Variants in NMS observed in about 807,000 individuals in gnomAD.
The protein encoded by NMS is neuromedin S, also known as neuromedin-S.
Under a neutral mutation model 32.2 loss-of-function variants are expected in NMS, and 30 were observed. That is an observed-to-expected ratio of 0.93 (90% CI 0.70 to 1.26). The LOEUF is 1.26. NMS is among the 50% of genes most tolerant of loss of function. NMS has a pLI of 0.00. For synonymous variants in NMS, 76 were observed against 58.5 expected, an observed-to-expected ratio of 1.30 and a Z score of -1.37; for missense variants, 190 against 186.3, an observed-to-expected ratio of 1.02 and a Z score of -0.12.
At chr2:100,477,827 T>C (rs1325141068) in intron 5 of NMS, among the ~76,000 whole-genome samples, 1 of 152,196 alleles carries the variant, frequency 6.6e-6, no homozygotes, top group South Asian at 2.1e-4. Flanking sequence ...TCCGTGGCTG[T>C]CGCGATGTGT....
intron 3 of NMS, among the ~76,000 whole-genome samples, chr2:100,473,969 G>A (rs1677052939): frequency 6.6e-6 from 1 of 152,136 alleles, no homozygotes; most frequent in South Asian, 2.1e-4. Flanking sequence ...CTTGAGGCCA[G>A]GAGCTTGAGT....
chr2:100,480,916 C>A (rs1486923521), intron 7 of NMS, among the ~76,000 whole-genome samples: 2 of 152,128 alleles, frequency 1.3e-5, no homozygotes, highest in Non-Finnish European at 2.9e-5. Context: ...ATCAGAGTCA[C>A]CTGGCTAAAA....
intron 5 of NMS, among the ~76,000 whole-genome samples, chr2:100,478,047 C>T (rs1024454218): frequency 2.5e-4 from 38 of 152,186 alleles, no homozygotes; most frequent in Admixed American, 1.4e-3. Flanking sequence ...CTGCAACCTC[C>T]GCCTCCGGGG....
chr2:100,470,914 G>C (rs543154833), intron 1 of NMS, among the ~76,000 whole-genome samples: 6 of 152,324 alleles, frequency 3.9e-5, no homozygotes, highest in Non-Finnish European at 8.8e-5. Flanking sequence ...CTGAAGAGAC[G>C]AGGACAGAGT....
intron 1 of NMS, among the ~76,000 whole-genome samples, chr2:100,471,587 T>C (rs1677007168): frequency 6.6e-6 from 1 of 152,226 alleles, no homozygotes; most frequent in South Asian, 2.1e-4. Flanking sequence ...TTACCTTTTA[T>C]GTATCTTTCT....
chr2:100,482,408 C>CA (rs1218510403), intron 9 of NMS, 97 bp downstream of exon 9: 1 of 1,178,102 alleles, frequency 8.5e-7, no homozygotes, highest in African/African-American at 1.5e-5. Context: ...TGGGGAGGAC[C>CA]ATTGTTCAAG....
Position 100,481,013 on chromosome 2 carries a change from G to T in NMS, c.373-113G>T, listed in dbSNP as rs1372274015. On this transcript the variant is annotated intron_variant, in intron 7 of 9. Coordinates refer to ENST00000376865, the MANE Select transcript of NMS (RefSeq NM_001011717.1). ...TATTTCTTACAAGTTCCCAGAGGTTGTTGGTGCCACTGGTCTGGGACCACC... is the reference window on the plus strand; with the variant it reads ...TATTTCTTACAAGTTCCCAGAGGTTTTTGGTGCCACTGGTCTGGGACCACC... 34 of 999,720 alleles carry T rather than the reference G, an allele frequency of 3.4e-5. No individual in the cohort carries two copies. In the Middle Eastern group the frequency reaches 6.2e-4, roughly 18 times the overall value. The allele number at this position is 999,720 out of a possible 1,614,324, so 61.9% of individuals were successfully genotyped here.
intron 6 of NMS, 50 bp from the exon 7 acceptor site, chr2:100,480,446 G>T: frequency 6.3e-7 from 1 of 1,594,878 alleles, no homozygotes; most frequent in East Asian, 2.2e-5. Context: ...ACAACTGCAA[G>T]GTCATGATGT....
At chr2:100,472,763 C>A in intron 1 of NMS, 32 bp from the exon 2 acceptor site, 1 of 1,438,450 alleles carries the variant, frequency 7.0e-7, no homozygotes, top group Non-Finnish European at 9.8e-7. Context: ...CCTCTTTTCT[C>A]TAATTAATAA....
intron 3 of NMS, among the ~76,000 whole-genome samples, chr2:100,473,799 TTA>T (rs1020921075): frequency 2.6e-5 from 4 of 152,126 alleles, no homozygotes; most frequent in Non-Finnish European, 4.4e-5. Flanking sequence ...GTTAAGCTAA[TTA>T]TATGTTATGA....
At chr2:100,482,815 G>A (rs974648972) in intron 9 of NMS, among the ~76,000 whole-genome samples, 1 of 152,160 alleles carries the variant, frequency 6.6e-6, no homozygotes, top group Non-Finnish European at 1.5e-5. Flanking sequence ...ACGATTCCTT[G>A]GCCTTCAGGC....
chr2:100,481,077 T>A, intron 7 of NMS, 49 bp from the exon 8 acceptor site: 1 of 1,596,070 alleles, frequency 6.3e-7, no homozygotes, highest in Non-Finnish European at 8.6e-7. Flanking sequence ...TTTGAAGAAC[T>A]TGTAATGCAA....
chr2:100,475,084 C>T (rs1286181196), intron 3 of NMS, among the ~76,000 whole-genome samples: 1 of 152,188 alleles, frequency 6.6e-6, no homozygotes, highest in African/African-American at 2.4e-5. Flanking sequence ...AGCAAGGGCC[C>T]ACTAGGAATG....
chr2:100,475,849 G>C (rs953108272), intron 3 of NMS, among the ~76,000 whole-genome samples: 2 of 151,646 alleles, frequency 1.3e-5, no homozygotes, highest in Non-Finnish European at 2.9e-5. Context: ...AAATACAAAA[G>C]TTAGCCAGGC....
chr2:100,472,262 GAAGA>G (rs1285090670), intron 1 of NMS, among the ~76,000 whole-genome samples: 25 of 86,962 alleles, frequency 2.9e-4, no homozygotes, highest in African/African-American at 1.2e-3. Context: ...AGGCAAGTGA[GAAGA>G]GGAGTTCATT....
chr2:100,473,534 C>G lies in NMS; in HGVS notation c.178C>G (p.Pro60Ala), dbSNP rs776719466. The change falls in exon 3 of 10, where the codon CCT becomes GCT. Residue 60 changes from proline (P) to alanine (A), a missense_variant. Pro to Ala is a conservative substitution (Grantham distance 27, BLOSUM62 -1). Transcript: ENST00000376865. ...LSQWAPLSRQPKDNQDIYKRF... is the reference protein window; with the variant it reads ...LSQWAPLSRQAKDNQDIYKRF... ...TCAGTGGGCACCTCTTTCTCGCCAA[C>G]CTAAGGTAAAAAAATGTGTATATAT... 4 of 1,428,638 alleles carry G rather than the reference C, an allele frequency of 2.8e-6. No individual in the cohort carries two copies. The highest frequency in any genetic ancestry group is 1.6e-5 in the South Asian group (1 of 61,078). 88.5% of individuals were successfully genotyped at this position (1,428,638 alleles called of 1,614,324 possible).
At chr2:100,477,506 G>A (rs1428295408) in intron 5 of NMS, 92 bp downstream of exon 5, 5 of 930,092 alleles carry the variant, frequency 5.4e-6, no homozygotes, top group Non-Finnish European at 6.7e-6. Context: ...AAGTAGAAAA[G>A]CTGGGGGCTC....
At chr2:100,472,039 C>G (rs1218051735) in intron 1 of NMS, among the ~76,000 whole-genome samples, 1 of 152,146 alleles carries the variant, frequency 6.6e-6, no homozygotes, top group Non-Finnish European at 1.5e-5. Context: ...TATCTTGGCT[C>G]AGAGAGAACG....
intron 6 of NMS, among the ~76,000 whole-genome samples, chr2:100,480,189 A>G (rs954313639): frequency 6.6e-6 from 1 of 152,236 alleles, no homozygotes; most frequent in African/African-American, 2.4e-5. Context: ...CTAATCCTTT[A>G]AAAGTTTCCT....
Sources: gnomAD v4.1 joint callset for allele counts (sites outside exome capture counted in the v4.1 genomes callset) on GRCh38, gnomAD v4.1.1 for gene constraint, MANE v1.5 for transcripts, NCBI Gene and HGNC (gene_info 2026-07-23, HGNC 2026-07-21) for gene names.